The following EPHA6 variants were observed in gnomAD, a reference collection of about 807,000 sequenced individuals.
EPHA6 encodes ephrin type-A receptor 6.
In EPHA6, 50 loss-of-function variants were observed where a neutral mutation model predicts 112.0. That is an observed-to-expected ratio of 0.45 (90% CI 0.36 to 0.56). EPHA6 has a LOEUF of 0.56. Ranked by LOEUF, EPHA6 falls within the 20% of genes least tolerant of loss-of-function variation. The pLI, the probability that EPHA6 is intolerant of heterozygous loss-of-function variation, is 0.00. For synonymous variants in EPHA6, 529 were observed against 490.7 expected, an observed-to-expected ratio of 1.08 and a Z score of -1.03; for missense variants, 1,280 against 1,417.4, an observed-to-expected ratio of 0.90 and a Z score of 1.56.
intron 7 of EPHA6, among the ~76,000 whole-genome samples, chr3:97,467,210 G>A (rs1362952260): frequency 1.3e-5 from 2 of 151,630 alleles, no homozygotes; most frequent in Non-Finnish European, 3.0e-5. Flanking sequence ...TGTTGTTATT[G>A]AGTGAATAAT....
At chr3:97,636,770 T>G (rs934464002) in intron 13 of EPHA6, among the ~76,000 whole-genome samples, 4 of 152,134 alleles carry the variant, frequency 2.6e-5, no homozygotes, top group Non-Finnish European at 5.9e-5. Flanking sequence ...CTTTTAAAAT[T>G]TATAAGTTTC....
intron 7 of EPHA6, chr3:97,466,497 A>G (rs1429671195): frequency 2.5e-6 from 3 of 1,210,780 alleles, no homozygotes; most frequent in Non-Finnish European, 3.7e-6. Context: ...CTGAAAAGTC[A>G]AAGGGGTAGT....
At position 97,448,589 on chromosome 3, in the gene EPHA6, T is replaced by A. The variant is rs1248285138; in HGVS notation, c.1753T>A (p.Ser585Thr). Residue 585 changes from serine to threonine, a missense_variant, in exon 7 of 18, where the codon TCT (serine) becomes ACT (threonine). This residue lies in a region of EPHA6 where 878 missense variants were observed against 999.7 expected (regional missense o/e 0.88). Coordinates refer to ENST00000389672, the MANE Select transcript of EPHA6 (RefSeq NM_001080448.3). ...YEKEHEQLTY[S>T]STRSKAPSVI... Reference sequence around the variant, plus strand: ...CCAGGAACATGAGCAGCTGACCTACTCTTCCACAAGGTCCAAAGCCCCCAG... The same window carrying A: ...CCAGGAACATGAGCAGCTGACCTACACTTCCACAAGGTCCAAAGCCCCCAG... 4 of 1,613,380 alleles carry A rather than the reference T, an allele frequency of 2.5e-6. No individual in the cohort carries two copies. Among genetic ancestry groups the A allele is most frequent in the East Asian group, 4.5e-5 (2 of 44,872 alleles).
chr3:97,372,181 G>C (rs553335924), intron 5 of EPHA6, among the ~76,000 whole-genome samples: 1 of 152,000 alleles, frequency 6.6e-6, no homozygotes, highest in Non-Finnish European at 1.5e-5. Flanking sequence ...GGCTTGGGGG[G>C]CATCACAGAA....
At chr3:97,509,286 G>A (rs1477446495) in intron 10 of EPHA6, among the ~76,000 whole-genome samples, 1 of 151,986 alleles carries the variant, frequency 6.6e-6, no homozygotes, top group Non-Finnish European at 1.5e-5. Context: ...AGTGTCAATG[G>A]TCTTTACAAT....
intron 5 of EPHA6, among the ~76,000 whole-genome samples, chr3:97,306,793 A>T (rs1382154430): frequency 6.6e-6 from 1 of 151,842 alleles, no homozygotes; most frequent in Non-Finnish European, 1.5e-5. Context: ...ACCTTTTGGA[A>T]TTTGGGCATC....
chr3:97,081,166 G>A (rs2046707508), intron 3 of EPHA6, among the ~76,000 whole-genome samples: 1 of 151,746 alleles, frequency 6.6e-6, no homozygotes, highest in African/African-American at 2.4e-5. Flanking sequence ...TTGGTCTCAG[G>A]AGTTTAAACA....
rs1478774004 is a variant in EPHA6, at chr3:97,401,570, T to G, written c.1607-3580T>G. On this transcript the variant is annotated intron_variant, in intron 5 of 17. Coordinates refer to ENST00000389672, the MANE Select transcript of EPHA6 (RefSeq NM_001080448.3). ...TTTGTTTATTTGGGTGTTCTTTCTCTTTTTCTTAGTCTAGTTAAAGGTTCG... is the reference window on the plus strand; with the variant it reads ...TTTGTTTATTTGGGTGTTCTTTCTCGTTTTCTTAGTCTAGTTAAAGGTTCG... 6.6e-5 allele frequency among the ~76,000 whole-genome samples: 10 copies of G among 151,840 alleles called. No homozygotes were observed. In the East Asian group the frequency reaches 1.9e-3, roughly 29 times the overall value.
At chr3:97,117,910 A>G (rs1233987896) in intron 3 of EPHA6, among the ~76,000 whole-genome samples, 1 of 151,846 alleles carries the variant, frequency 6.6e-6, no homozygotes, top group Non-Finnish European at 1.5e-5. Flanking sequence ...TTCATATACA[A>G]AGAACTCTGT....
At chr3:96,877,929 ATTTT>A (rs200140200) in intron 2 of EPHA6, among the ~76,000 whole-genome samples, 14,838 of 128,430 alleles carry the variant, frequency 0.12, 1,339 homozygotes, top group African/African-American at 0.25. Flanking sequence ...ATATATATAT[ATTTT>A]TTTTTTTTCC....
chr3:96,853,978 A>G (rs920045126), intron 1 of EPHA6, among the ~76,000 whole-genome samples: 12 of 152,000 alleles, frequency 7.9e-5, no homozygotes. Flanking sequence ...GTTGCTTTAT[A>G]AGAACTCTTC....
chr3:97,115,787 A>G (rs1306997292), intron 3 of EPHA6, among the ~76,000 whole-genome samples: 2 of 152,034 alleles, frequency 1.3e-5, no homozygotes, highest in East Asian at 3.9e-4. Flanking sequence ...ATATTGTTAT[A>G]GAATGAGAAG....
At chr3:97,664,238 C>T (rs952916821) in intron 14 of EPHA6, among the ~76,000 whole-genome samples, 1 of 152,140 alleles carries the variant, frequency 6.6e-6, no homozygotes, top group African/African-American at 2.4e-5. Context: ...GCTATTAGCC[C>T]TTTGTCAGAT....
intron 5 of EPHA6, among the ~76,000 whole-genome samples, chr3:97,298,533 C>T (rs1399560331): frequency 6.6e-6 from 1 of 152,108 alleles, no homozygotes; most frequent in Non-Finnish European, 1.5e-5. Context: ...AACTATACTC[C>T]TGGATCCTTC....
At chr3:97,028,903 A>G (rs1444211536) in intron 3 of EPHA6, among the ~76,000 whole-genome samples, 1 of 151,884 alleles carries the variant, frequency 6.6e-6, no homozygotes, top group East Asian at 1.9e-4. Context: ...TTTTTGCTTG[A>G]AGATGAACAT....
intron 3 of EPHA6, among the ~76,000 whole-genome samples, chr3:97,096,360 A>G (rs2047239253): frequency 6.6e-6 from 1 of 151,848 alleles, no homozygotes; most frequent in Admixed American, 6.6e-5. Context: ...AAATATGAGT[A>G]GTTTAAATAT....
chr3:97,541,886 A>G (rs914975140), intron 11 of EPHA6, among the ~76,000 whole-genome samples: 1 of 151,448 alleles, frequency 6.6e-6, no homozygotes, highest in Non-Finnish European at 1.5e-5. Flanking sequence ...TAGGATATAT[A>G]TATATAAAGG....
At chr3:97,116,550 T>C (rs2108294047) in intron 3 of EPHA6, among the ~76,000 whole-genome samples, 1 of 151,850 alleles carries the variant, frequency 6.6e-6, no homozygotes, top group Middle Eastern at 3.4e-3. Context: ...CTTCTATGCA[T>C]TTAAAAAATA....
intron 5 of EPHA6, among the ~76,000 whole-genome samples, chr3:97,343,465 T>C (rs940136121): frequency 4.6e-5 from 7 of 152,168 alleles, no homozygotes; most frequent in African/African-American, 1.7e-4. Flanking sequence ...CAAAAATAAA[T>C]TAGAACTTAA....
Sources: gnomAD v4.1 joint callset for allele counts (sites outside exome capture counted in the v4.1 genomes callset) on GRCh38, gnomAD v4.1.1 for gene constraint, gnomAD v4.1.1 regional missense constraint, MANE v1.5 for transcripts, NCBI Gene and HGNC (gene_info 2026-07-23, HGNC 2026-07-21) for gene names.